The following CSTPP1 variants were observed in gnomAD, a reference collection of about 807,000 sequenced individuals.
CSTPP1 encodes the protein UPF0705 protein C11orf49.
At chr11:47,067,683 G>A in the CSTPP1 span, among the ~76,000 whole-genome samples, 1 of 152,190 alleles carries the variant, frequency 6.6e-6, no homozygotes, top group East Asian at 1.9e-4. Context: ...CACCAACTCT[G>A]CTGGCACCTT....
At chr11:47,018,778 G>C in the CSTPP1 span, among the ~76,000 whole-genome samples, 14 of 152,270 alleles carry the variant, frequency 9.2e-5, no homozygotes. Context: ...CATTTCTCAA[G>C]TGGCTAATGA....
the CSTPP1 span, among the ~76,000 whole-genome samples, chr11:47,102,284 G>A: frequency 6.6e-6 from 1 of 151,908 alleles, no homozygotes; most frequent in African/African-American, 2.4e-5. Context: ...GCACAAAGAT[G>A]TCTTTTTTTT....
the CSTPP1 span, among the ~76,000 whole-genome samples, chr11:46,938,777 CTTCT>C: frequency 1.0e-4 from 9 of 89,728 alleles, no homozygotes; most frequent in East Asian, 2.2e-3. Flanking sequence ...TTTTTTTCTT[CTTCT>C]TTTTTTTTTT....
At chr11:47,045,546 G>A in the CSTPP1 span, among the ~76,000 whole-genome samples, 1 of 152,158 alleles carries the variant, frequency 6.6e-6, no homozygotes, top group Non-Finnish European at 1.5e-5. Context: ...TCTGGTTTGT[G>A]CAACCTTTAT....
the CSTPP1 span, among the ~76,000 whole-genome samples, chr11:46,958,925 T>C: frequency 1.1e-4 from 16 of 152,328 alleles, no homozygotes; most frequent in East Asian, 3.1e-3. Context: ...CCCACCCACA[T>C]TGGTGAAGGT....
At chr11:47,072,965 A>G in the CSTPP1 span, among the ~76,000 whole-genome samples, 2 of 152,284 alleles carry the variant, frequency 1.3e-5, no homozygotes, top group African/African-American at 4.8e-5. Context: ...ATATAAAATT[A>G]TGTATCTTTA....
At chr11:47,074,448 T>C in the CSTPP1 span, among the ~76,000 whole-genome samples, 1 of 148,244 alleles carries the variant, frequency 6.7e-6, no homozygotes, top group Non-Finnish European at 1.5e-5. Flanking sequence ...TGCAGTGAGC[T>C]GTGATCATGC....
chr11:47,161,544 G>A, the CSTPP1 span: 48 of 1,613,978 alleles, frequency 3.0e-5, no homozygotes, highest in Non-Finnish European at 3.6e-5. Context: ...ACCCCTCCCC[G>A]GGTTGGCTCT....
the CSTPP1 span, among the ~76,000 whole-genome samples, chr11:47,014,243 GAAGA>G: frequency 3.4e-5 from 5 of 148,174 alleles, no homozygotes; most frequent in Non-Finnish European, 6.0e-5. Flanking sequence ...AGGAAGGAAG[GAAGA>G]AAGGAAGGAA....
the CSTPP1 span, among the ~76,000 whole-genome samples, chr11:47,085,927 GCTGGCAGTCT>G: frequency 6.7e-6 from 1 of 149,530 alleles, no homozygotes; most frequent in Non-Finnish European, 1.5e-5. Flanking sequence ...CTGAAGCATT[GCTGGCAGTCT>G]CTGAGAAAGT....
the CSTPP1 span, among the ~76,000 whole-genome samples, chr11:47,145,203 G>A: frequency 1.3e-5 from 2 of 151,876 alleles, no homozygotes; most frequent in African/African-American, 4.8e-5. Flanking sequence ...GGCCAGGATG[G>A]TCCCAATCTC....
At chr11:47,018,885 A>G in the CSTPP1 span, among the ~76,000 whole-genome samples, 1 of 151,998 alleles carries the variant, frequency 6.6e-6, no homozygotes, top group Admixed American at 6.5e-5. Context: ...TTGTTTTCCT[A>G]CTATTGAGTT....
the CSTPP1 span, among the ~76,000 whole-genome samples, chr11:47,100,824 C>G: frequency 6.6e-6 from 1 of 152,070 alleles, no homozygotes. Context: ...TTATTCAGTA[C>G]TGGGTTCCTA....
chr11:47,038,196 A>C, the CSTPP1 span, among the ~76,000 whole-genome samples: 1 of 99,544 alleles, frequency 1.0e-5, no homozygotes, highest in East Asian at 3.0e-4. Flanking sequence ...CTGGCCGGGC[A>C]GAGGGACTCC....
the CSTPP1 span, among the ~76,000 whole-genome samples, chr11:47,071,536 AGG>A: frequency 6.6e-6 from 1 of 152,184 alleles, no homozygotes; most frequent in Admixed American, 6.5e-5. Flanking sequence ...AGCTCCCTTG[AGG>A]GCAAAGACTG....
chr11:47,112,988 C>T, the CSTPP1 span, among the ~76,000 whole-genome samples: 1 of 152,148 alleles, frequency 6.6e-6, no homozygotes. Context: ...TATCTCTCCC[C>T]ACTCCCCCAA....
the CSTPP1 span, among the ~76,000 whole-genome samples, chr11:47,129,821 G>A: frequency 3.3e-5 from 5 of 152,288 alleles, no homozygotes; most frequent in Admixed American, 2.0e-4. Flanking sequence ...TTCCTGGAGA[G>A]TTGTTTTTGT....
At chr11:47,065,335 T>G in the CSTPP1 span, among the ~76,000 whole-genome samples, 2 of 151,428 alleles carry the variant, frequency 1.3e-5, no homozygotes, top group African/African-American at 2.4e-5. Context: ...TAAGAGAAAG[T>G]GTCTTGCTCT....
At chr11:47,085,615 C>T in the CSTPP1 span, among the ~76,000 whole-genome samples, 11 of 152,072 alleles carry the variant, frequency 7.2e-5, no homozygotes, top group East Asian at 9.7e-4. Context: ...CTAGGCTGGG[C>T]GCAGTGGCTC....
Sources: allele counts gnomAD v4.1 joint callset (sites outside exome capture counted in the v4.1 genomes callset), GRCh38; gene constraint gnomAD v4.1.1; transcripts MANE v1.5; gene names NCBI Gene and HGNC (gene_info 2026-07-23, HGNC 2026-07-21).